Variants in HACD2 observed in about 807,000 individuals in gnomAD.
HACD2 encodes the protein 3-hydroxyacyl-CoA dehydratase 2.
HACD2 carries 15 observed loss-of-function variants against 31.0 expected under a neutral mutation model. The ratio of observed to expected loss-of-function variants is 0.48; its 90% CI spans 0.32 to 0.75. HACD2 has a LOEUF of 0.75. Ranked by LOEUF, HACD2 falls within the 30% of genes least tolerant of loss-of-function variation. HACD2 has a pLI of 0.03. For synonymous variants in HACD2, 115 were observed against 122.2 expected (o/e 0.94, Z 0.39); for missense variants, 283 against 313.0 (o/e 0.90, Z 0.72).
At chr3:123,521,441 C>T (rs1392728422) in intron 4 of HACD2, among the ~76,000 whole-genome samples, 1 of 152,104 alleles carries the variant, frequency 6.6e-6, no homozygotes, top group Non-Finnish European at 1.5e-5. Context: ...ATATTTTTCT[C>T]TGGGGCTCCT....
rs903233243 is a variant in HACD2 at position 123,502,597 on chromosome 3, G to C, written c.466C>G (p.Leu156Val). 1 of 1,611,122 alleles carries C rather than the reference G, an allele frequency of 6.2e-7. No homozygotes were observed. The highest frequency in any genetic ancestry group is 8.5e-7 in the Non-Finnish European group (1 of 1,178,700). Reference sequence around the variant, plus strand: ...ATGAGGTAAGGCAGATGGTTTAATAGACTGAATGTATAAAAGGAGTAACGG... The same window carrying C: ...ATGAGGTAAGGCAGATGGTTTAATACACTGAATGTATAAAAGGAGTAACGG... ...IIRYSFYTFS[L>V]LNHLPYLIKW... Residue 156 changes from leucine (L) to valine (V), a missense_variant, in exon 5 of 7, where the codon CTA becomes GTA. Physicochemically the swap from Leu to Val is conservative, Grantham distance 32 (BLOSUM62 1). Around this residue, in one of 3 missense-constraint regions of HACD2, gnomAD observed 85 missense variants for 129.6 expected, o/e 0.66. Coordinates refer to ENST00000383657, the MANE Select transcript of HACD2 (RefSeq NM_198402.5).
intron 5 of HACD2, among the ~76,000 whole-genome samples, chr3:123,501,749 C>A (rs1164103623): frequency 6.6e-6 from 1 of 152,304 alleles, no homozygotes; most frequent in East Asian, 1.9e-4. Context: ...CATTCTTCCC[C>A]TTTCCTAATA....
intron 3 of HACD2, 22 bp downstream of exon 3, chr3:123,567,740 A>AG (rs1199367557): frequency 7.0e-7 from 1 of 1,429,200 alleles, no homozygotes; most frequent in Non-Finnish European, 9.4e-7. Flanking sequence ...TGTACATAGT[A>AG]GGGGGGAATA....
At chr3:123,551,181 C>A (rs2056615846) in intron 3 of HACD2, among the ~76,000 whole-genome samples, 1 of 152,128 alleles carries the variant, frequency 6.6e-6, no homozygotes, top group South Asian at 2.1e-4. Flanking sequence ...TTTGAACTTA[C>A]CCTTTCGGCG....
chr3:123,550,302 G>C (rs896457913), intron 3 of HACD2, among the ~76,000 whole-genome samples: 16 of 152,160 alleles, frequency 1.1e-4, no homozygotes, highest in Non-Finnish European at 2.2e-4. Context: ...GCGCAGTGAG[G>C]ACTGAAGAGA....
chr3:123,547,196 G>A (rs942055066), intron 3 of HACD2, among the ~76,000 whole-genome samples: 1 of 152,218 alleles, frequency 6.6e-6, no homozygotes, highest in Admixed American at 6.5e-5. Flanking sequence ...TCCTTTAAAA[G>A]TGTTGGAATT....
rs76618056 is a variant in HACD2 at position 123,571,054 on chromosome 3, G to A, written c.274-3274C>T. Among the ~76,000 whole-genome samples, 1,463 of 152,094 alleles carry A rather than the reference G, an allele frequency of 9.6e-3. 22 individuals carry two copies. The highest frequency in any genetic ancestry group is 0.033 in the African/African-American group (1,370 of 41,488). ...TAATTTAATAATTGAAGTCTAAACA[G>A]GAATCTCAAAACTGATTTTCAATGA... On this transcript the variant is annotated intron_variant, in intron 2 of 6. Transcript: ENST00000383657.
intron 4 of HACD2, among the ~76,000 whole-genome samples, chr3:123,507,433 A>C (rs1418628565): frequency 6.6e-6 from 1 of 152,192 alleles, no homozygotes; most frequent in Non-Finnish European, 1.5e-5. Context: ...CAGCAACATA[A>C]AGGTAAGAAA....
chr3:123,516,613 T>G (rs1481185138), intron 4 of HACD2, among the ~76,000 whole-genome samples: 2 of 152,220 alleles, frequency 1.3e-5, no homozygotes, highest in Non-Finnish European at 2.9e-5. Flanking sequence ...AACTGAGAAC[T>G]ATTTTTTTGA....
intron 6 of HACD2, among the ~76,000 whole-genome samples, chr3:123,497,829 A>G (rs2055853111): frequency 1.3e-5 from 2 of 152,220 alleles, no homozygotes; most frequent in South Asian, 4.1e-4. Context: ...CAACAACGCA[A>G]CAACAGATGA....
At chr3:123,512,554 G>C (rs931060677) in intron 4 of HACD2, among the ~76,000 whole-genome samples, 1 of 152,172 alleles carries the variant, frequency 6.6e-6, no homozygotes, top group East Asian at 1.9e-4. Flanking sequence ...TGAGAATGGG[G>C]GTGGTGAAGG....
intron 3 of HACD2, among the ~76,000 whole-genome samples, chr3:123,535,008 T>C (rs2056408538): frequency 6.6e-6 from 1 of 152,168 alleles, no homozygotes; most frequent in African/African-American, 2.4e-5. Flanking sequence ...TAAGCTAAGG[T>C]TAATTTATTA....
intron 6 of HACD2, among the ~76,000 whole-genome samples, chr3:123,496,711 T>C (rs989250011): frequency 6.6e-6 from 1 of 152,240 alleles, no homozygotes; most frequent in Admixed American, 6.5e-5. Context: ...ATGGTAATCA[T>C]TTAAAAATGT....
At chr3:123,502,513 A>G (rs79772253) in intron 5 of HACD2, 47 bp downstream of exon 5, 2 of 1,590,520 alleles carry the variant, frequency 1.3e-6, no homozygotes, top group East Asian at 2.2e-5. Flanking sequence ...GGCAAATTCA[A>G]TGACAGATCA....
intron 4 of HACD2, among the ~76,000 whole-genome samples, chr3:123,516,231 A>G (rs905862462): frequency 2.7e-4 from 28 of 102,580 alleles, no homozygotes; most frequent in African/African-American, 9.0e-4. Context: ...AATGTGCAAC[A>G]TATTTTTTTT....
At position 123,584,926 on chromosome 3, in the gene HACD2, C is replaced by T. The variant is rs778858692; in HGVS notation, c.102G>A (p.Pro34=). Residue 34 remains proline, a synonymous_variant, in exon 1 of 7, where the codon CCG becomes CCA. Transcript: ENST00000383657. ...CCAGGTACGCCGTGGCCAGGGGCCCCGGGCCCTTCTTCTTCCGCGTGCCGC... is the reference window on the plus strand; with the variant it reads ...CCAGGTACGCCGTGGCCAGGGGCCCTGGGCCCTTCTTCTTCCGCGTGCCGC... ...DASGTRKKKG[P]GPLATAYLVI... is the part of the protein sequence containing the mutation. 82 of 1,530,372 alleles carry T rather than the reference C, an allele frequency of 5.4e-5. No individual in the cohort carries two copies. The South Asian group carries it at 9.6e-4, about 18-fold the overall frequency. The allele number at this position is 1,530,372 out of a possible 1,614,324, so 94.8% of individuals were successfully genotyped here.
intron 4 of HACD2, among the ~76,000 whole-genome samples, chr3:123,518,770 G>A (rs1361436033): frequency 6.6e-6 from 1 of 152,138 alleles, no homozygotes; most frequent in Non-Finnish European, 1.5e-5. Flanking sequence ...GGCCAAGGCA[G>A]GCAGATCACA....
At chr3:123,553,790 G>A (rs1341083317) in intron 3 of HACD2, among the ~76,000 whole-genome samples, 2 of 151,976 alleles carry the variant, frequency 1.3e-5, no homozygotes, top group Non-Finnish European at 2.9e-5. Context: ...TTTTTCCCAT[G>A]AGTAATATGG....
intron 3 of HACD2, among the ~76,000 whole-genome samples, chr3:123,564,389 GAAAGAAAGAA>G (rs1467664395): frequency 1.3e-5 from 2 of 152,180 alleles, no homozygotes; most frequent in African/African-American, 4.8e-5. Flanking sequence ...AAGGGACAAG[GAAAGAAAGAA>G]AAGCACCCAA....
Sources: allele counts gnomAD v4.1 joint callset (sites outside exome capture counted in the v4.1 genomes callset), GRCh38; gene constraint gnomAD v4.1.1; regional missense constraint gnomAD v4.1.1; transcripts MANE v1.5; gene names NCBI Gene and HGNC (gene_info 2026-07-23, HGNC 2026-07-21).